The following ANKS6 variants were observed in gnomAD, a reference collection of about 807,000 sequenced individuals.
ANKS6 encodes the protein ankyrin repeat and SAM domain-containing protein 6.
In ANKS6, 47 loss-of-function variants were observed where a neutral mutation model predicts 77.9. That is an observed-to-expected ratio of 0.60 (90% CI 0.48 to 0.77). ANKS6 has a LOEUF of 0.77. ANKS6 is among the 30% of genes least tolerant of loss of function. The pLI, the probability that ANKS6 is intolerant of heterozygous loss-of-function variation, is 0.00. For synonymous variants in ANKS6, 488 were observed against 501.7 expected, an observed-to-expected ratio of 0.97 and a Z score of 0.37; for missense variants, 1,150 against 1,159.1, an observed-to-expected ratio of 0.99 and a Z score of 0.11.
In ANKS6 at chr9:98,791,194, C is replaced by T. The variant is rs1056447309; in HGVS notation, c.360-588G>A. Among the ~76,000 whole-genome samples the T allele has an allele frequency of 2.6e-5, 4 of 152,290 alleles. No individual in the cohort carries two copies. The highest frequency in any genetic ancestry group is 3.4e-3 in the Middle Eastern group (1 of 294). ...ATAGCCTGGGAATCTGTCTCTCTGCCTGTGCTCTAATTTCCCCACAGGCAG... is the reference window on the plus strand; with the variant it reads ...ATAGCCTGGGAATCTGTCTCTCTGCTTGTGCTCTAATTTCCCCACAGGCAG... On this transcript the variant is annotated intron_variant, in intron 1 of 14. Transcript: ENST00000353234. The surrounding 1 kb of genome is among the most constrained non-coding windows in gnomAD (Gnocchi z 4.3).
chr9:98,754,877 T>C (rs1199375247), intron 12 of ANKS6, among the ~76,000 whole-genome samples: 1 of 152,044 alleles, frequency 6.6e-6, no homozygotes, highest in Non-Finnish European at 1.5e-5. Flanking sequence ...AGAGAGTGGG[T>C]ACAAACAGTC....
In ANKS6 at chr9:98,784,145, A is replaced by G. The variant is rs757788327; in HGVS notation, c.920T>C (p.Leu307Pro). The change falls in exon 4 of 15, where the codon CTG becomes CCG. Residue 307 changes from leucine (L) to proline (P), a missense_variant. Leu to Pro is a moderately conservative substitution (Grantham distance 98, BLOSUM62 -3). Transcript: ENST00000353234. ...FHALKMGNFQ[L>P]VKEIADEDPS... Reference sequence around the variant, plus strand: ...GTCTTCATCGGCAATCTCTTTGACCAGCTGGAAGTTTCCTGCAAACACAAG... The same window carrying G: ...GTCTTCATCGGCAATCTCTTTGACCGGCTGGAAGTTTCCTGCAAACACAAG... 12 of 1,528,596 alleles carry G rather than the reference A, an allele frequency of 7.9e-6. No individual in the cohort carries two copies. Among genetic ancestry groups the G allele is most frequent in the Non-Finnish European group, 1.1e-5 (12 of 1,130,836 alleles). The allele number at this position is 1,528,596 out of a possible 1,614,324, so 94.7% of individuals were successfully genotyped here.
At chr9:98,788,165 G>A (rs898317650) in intron 2 of ANKS6, among the ~76,000 whole-genome samples, 24 of 152,212 alleles carry the variant, frequency 1.6e-4, no homozygotes, top group African/African-American at 5.3e-4. Context: ...ATCCCATGAT[G>A]CCAGGACAAC....
intron 6 of ANKS6, among the ~76,000 whole-genome samples, chr9:98,779,810 T>C (rs7357710): frequency 0.96 from 145,828 of 152,064 alleles, 70,176 homozygotes; most frequent in African/African-American, 0.99. Flanking sequence ...ACTACAGGCG[T>C]GCGCCACCAT....
chr9:98,756,955 CA>C (rs1265024244), intron 11 of ANKS6, among the ~76,000 whole-genome samples: 1 of 151,648 alleles, frequency 6.6e-6, no homozygotes, highest in African/African-American at 2.4e-5. Context: ...CTCAGTTAAC[CA>C]GCTGTAAAAT....
At position 98,752,055 on chromosome 9, in the gene ANKS6, T is replaced by C. The variant is rs547577246; in HGVS notation, c.2327-959A>G. ...GAGCTGCAATTATGCCACTACACCA[T>C]TGCACTCCAGCCTGGGCTACAAAGC... On this transcript the variant is annotated intron_variant, in intron 12 of 14. Transcript: ENST00000353234. Among the ~76,000 whole-genome samples, 53 of 152,060 alleles carry C rather than the reference T, an allele frequency of 3.5e-4. 1 individual carries two copies. The highest frequency in any genetic ancestry group is 1.2e-3 in the African/African-American group (50 of 41,456).
Position 98,790,503 on chromosome 9 carries a change from C to T in ANKS6, c.463G>A (p.Gly155Ser), listed in dbSNP as rs755118162. ...AGCAGCTTCACCACACCCAGGTGGC[C>T]GCCCCGAGAAGCCACAGTGAGCACA... The part of the protein sequence containing the change: ...ASVLTVASRG[G>S]HLGVVKLLLE... The change falls in exon 2 of 15, where the codon GGC (glycine) becomes AGC (serine). Residue 155 changes from glycine (G) to serine (S), a missense_variant. Coordinates refer to ENST00000353234, the MANE Select transcript of ANKS6 (RefSeq NM_173551.5). 151 of 1,613,320 alleles carry T rather than the reference C, an allele frequency of 9.4e-5. No homozygotes were observed. Among genetic ancestry groups the T allele is most frequent in the Non-Finnish European group, 1.2e-4 (142 of 1,179,956 alleles).
chr9:98,737,312 T>C (rs1831552937), intron 14 of ANKS6, among the ~76,000 whole-genome samples: 1 of 152,070 alleles, frequency 6.6e-6, no homozygotes, highest in African/African-American at 2.4e-5. Context: ...GACATGATCG[T>C]TTACCTAGAA....
chr9:98,759,524 T>C (rs1429453163), intron 11 of ANKS6, among the ~76,000 whole-genome samples: 1 of 152,226 alleles, frequency 6.6e-6, no homozygotes, highest in Non-Finnish European at 1.5e-5. Flanking sequence ...CCAGATTGTT[T>C]TACCTGTGCT....
chr9:98,740,882 A>G (rs1165651736), intron 14 of ANKS6, among the ~76,000 whole-genome samples: 1 of 152,178 alleles, frequency 6.6e-6, no homozygotes, highest in African/African-American at 2.4e-5. Flanking sequence ...TTTTTTGCCT[A>G]TCAAATTAAT....
At chr9:98,785,025 C>A in intron 2 of ANKS6, 149 bp from the exon 3 acceptor site, 2 of 666,262 alleles carry the variant, frequency 3.0e-6, no homozygotes, top group Non-Finnish European at 5.1e-6. Flanking sequence ...ACAAATCCAG[C>A]AGCTCTTCTG....
At chr9:98,774,265 C>T (rs927029560) in intron 8 of ANKS6, among the ~76,000 whole-genome samples, 185 bp from the exon 9 acceptor site, 19 of 152,206 alleles carry the variant, frequency 1.2e-4, no homozygotes, top group Non-Finnish European at 2.2e-4. Context: ...GTCTGCTCTG[C>T]GCCAACACCA....
intron 11 of ANKS6, among the ~76,000 whole-genome samples, chr9:98,766,686 C>A (rs1271183744): frequency 6.6e-6 from 1 of 151,994 alleles, no homozygotes; most frequent in Non-Finnish European, 1.5e-5. Context: ...TGAAAGGAAT[C>A]TAATTATATA....
intron 1 of ANKS6, 48 bp from the exon 2 acceptor site, chr9:98,790,654 G>A (rs1834856606): frequency 1.3e-6 from 2 of 1,565,486 alleles, no homozygotes; most frequent in South Asian, 1.2e-5. Flanking sequence ...CAGCACTCGG[G>A]GGCCAGCTTA....
chr9:98,755,319 C>A (rs958797253), intron 12 of ANKS6, among the ~76,000 whole-genome samples: 1 of 152,202 alleles, frequency 6.6e-6, no homozygotes, highest in African/African-American at 2.4e-5. Flanking sequence ...ACTTATACTC[C>A]TCGATTTGCA....
chr9:98,733,580 G>T lies in ANKS6; in HGVS notation c.*2939C>A, dbSNP rs78308643. 1,586 of 985,498 alleles carry T rather than the reference G, an allele frequency of 1.6e-3. 20 individuals are homozygous for T. The African/African-American group carries it at 0.025, about 15-fold the overall frequency. The allele number at this position is 985,498 out of a possible 1,614,324, so 61.0% of individuals were successfully genotyped here. The stretch of plus-strand genomic sequence containing the variant: ...AGGGCTGCAAGGCCTCTTGGTTGCC[G>T]CTGTTCCAGAAAAAGCGGGGCTTCT... On this transcript the variant is annotated 3_prime_UTR_variant, in exon 15 of 15. Transcript: ENST00000353234.
chr9:98,753,893 C>T (rs1054407375), intron 12 of ANKS6, among the ~76,000 whole-genome samples: 2 of 152,134 alleles, frequency 1.3e-5, no homozygotes, highest in Admixed American at 6.5e-5. Flanking sequence ...TCAGTTAATT[C>T]GAAGTTCATG....
chr9:98,736,461 C>T lies in ANKS6; in HGVS notation c.*58G>A, dbSNP rs1831506539. On this transcript the variant is annotated 3_prime_UTR_variant, in exon 15 of 15. Transcript: ENST00000353234. ...GACGGGGGCAGGGCTGGGGCTGTGG[C>T]CACGTGAAGGGGTCCCGGGATTCAG... 3 of 1,531,028 alleles carry T rather than the reference C, an allele frequency of 2.0e-6. No individual in the cohort carries two copies. Among genetic ancestry groups the T allele is most frequent in the Non-Finnish European group, 1.8e-6 (2 of 1,137,162 alleles). 94.8% of individuals were successfully genotyped at this position (1,531,028 alleles called of 1,614,324 possible).
intron 2 of ANKS6, among the ~76,000 whole-genome samples, chr9:98,786,822 C>T (rs1221472770): frequency 6.6e-6 from 1 of 152,138 alleles, no homozygotes; most frequent in African/African-American, 2.4e-5. Context: ...GCTAAGCAAC[C>T]ATCTGACACA....
Sources: allele counts gnomAD v4.1 joint callset (sites outside exome capture counted in the v4.1 genomes callset), GRCh38; gene constraint gnomAD v4.1.1; non-coding constraint Gnocchi (gnomAD v3.1); transcripts MANE v1.5; gene names NCBI Gene and HGNC (gene_info 2026-07-23, HGNC 2026-07-21).